Variants in MYO1E observed in about 807,000 individuals in gnomAD.
MYO1E encodes unconventional myosin-Ie.
In MYO1E, 68 loss-of-function variants were observed where a neutral mutation model predicts 151.1. That is an observed-to-expected ratio of 0.45 (90% confidence interval 0.37 to 0.55). The LOEUF (loss-of-function observed/expected upper bound fraction) is 0.55. Ranked by LOEUF, MYO1E falls within the 20% of genes least tolerant of loss-of-function variation. MYO1E has a pLI of 0.00. For synonymous variants in MYO1E, 601 were observed against 501.7 expected, an observed-to-expected ratio of 1.20 and a Z score of -2.64; for missense variants, 1,363 against 1,389.3, an observed-to-expected ratio of 0.98 and a Z score of 0.30.
intron 1 of MYO1E, among the ~76,000 whole-genome samples, chr15:59,371,840 G>A (rs989656122): frequency 6.6e-6 from 1 of 150,688 alleles, no homozygotes; most frequent in African/African-American, 2.4e-5. Flanking sequence ...CGTGGTTGCC[G>A]CCCGCGCCCG....
chr15:59,203,467 C>T (rs556816778), intron 15 of MYO1E, among the ~76,000 whole-genome samples: 3 of 151,448 alleles, frequency 2.0e-5, no homozygotes, highest in Non-Finnish European at 4.4e-5. Context: ...GCAACCTCTG[C>T]CTCCCAGGTT....
chr15:59,197,652 T>G (rs972174149), intron 16 of MYO1E, among the ~76,000 whole-genome samples: 7 of 152,258 alleles, frequency 4.6e-5, no homozygotes, highest in African/African-American at 1.7e-4. Context: ...CCCACGCCCA[T>G]GGGCTACCAA....
At chr15:59,310,864 C>G (rs568400818) in intron 1 of MYO1E, among the ~76,000 whole-genome samples, 1 of 152,092 alleles carries the variant, frequency 6.6e-6, no homozygotes, top group South Asian at 2.1e-4. Flanking sequence ...AATTATGGTT[C>G]TAAAGAACAA....
chr15:59,140,316 CTATT>C (rs1373878515), intron 26 of MYO1E, among the ~76,000 whole-genome samples: 4 of 152,300 alleles, frequency 2.6e-5, no homozygotes, highest in African/African-American at 9.6e-5. Context: ...CAACTTGTTC[CTATT>C]TAGTGAGATC....
intron 1 of MYO1E, among the ~76,000 whole-genome samples, chr15:59,368,459 A>G (rs985932543): frequency 1.3e-5 from 2 of 149,634 alleles, no homozygotes; most frequent in Non-Finnish European, 3.0e-5. Flanking sequence ...AAAATACAAA[A>G]TATTAGCTGG....
chr15:59,190,202 G>A (rs375781760), intron 17 of MYO1E, among the ~76,000 whole-genome samples: 4 of 152,172 alleles, frequency 2.6e-5, no homozygotes, highest in Non-Finnish European at 4.4e-5. Context: ...TGGTATTTGA[G>A]GCAAATTAGA....
intron 17 of MYO1E, among the ~76,000 whole-genome samples, chr15:59,190,406 T>C (rs1387981880): frequency 2.6e-5 from 4 of 152,200 alleles, no homozygotes; most frequent in African/African-American, 9.7e-5. Context: ...CTCATTCCGA[T>C]GTCACGCAGG....
chr15:59,156,308 C>T (rs1357995532), intron 25 of MYO1E, among the ~76,000 whole-genome samples: 1 of 152,178 alleles, frequency 6.6e-6, no homozygotes, highest in Non-Finnish European at 1.5e-5. Context: ...CCTCATCCTC[C>T]CCAGTAGCTG....
At chr15:59,278,367 G>T (rs750298467) in intron 1 of MYO1E, among the ~76,000 whole-genome samples, 23 of 152,196 alleles carry the variant, frequency 1.5e-4, no homozygotes, top group Non-Finnish European at 2.6e-4. Flanking sequence ...AGCTTGTTTT[G>T]TAATGGGATT....
At chr15:59,179,909 G>A (rs1468861314) in intron 18 of MYO1E, among the ~76,000 whole-genome samples, 2 of 152,270 alleles carry the variant, frequency 1.3e-5, no homozygotes, top group African/African-American at 4.8e-5. Context: ...CCACGTGAGA[G>A]CACATCCAGG....
intron 1 of MYO1E, among the ~76,000 whole-genome samples, chr15:59,367,473 T>G (rs561437312): frequency 7.9e-5 from 12 of 152,160 alleles, no homozygotes; most frequent in African/African-American, 2.4e-4. Flanking sequence ...AAAGCTCAAT[T>G]TGCAGCCTCA....
At chr15:59,205,517 T>C (rs376457775) in intron 14 of MYO1E, 32 bp from the exon 15 acceptor site, 35 of 1,564,102 alleles carry the variant, frequency 2.2e-5, no homozygotes, top group Non-Finnish European at 3.0e-5. Flanking sequence ...TCGAATTTCA[T>C]TGAACAAAAT....
chr15:59,352,756 T>C (rs968914862), intron 1 of MYO1E, among the ~76,000 whole-genome samples: 1 of 152,220 alleles, frequency 6.6e-6, no homozygotes, highest in East Asian at 1.9e-4. Context: ...TGTTAAACTG[T>C]TAAATTCACG....
intron 1 of MYO1E, among the ~76,000 whole-genome samples, chr15:59,295,174 A>T (rs1468239030): frequency 6.6e-6 from 1 of 152,062 alleles, no homozygotes; most frequent in Non-Finnish European, 1.5e-5. Flanking sequence ...CTAAAAGTTG[A>T]GTCATCCTAG....
chr15:59,161,868 T>C (rs2079539854), intron 23 of MYO1E, among the ~76,000 whole-genome samples: 1 of 152,208 alleles, frequency 6.6e-6, no homozygotes, highest in Admixed American at 6.5e-5. Context: ...TTTTAAGTTA[T>C]ATTTTCTGAT....
At chr15:59,265,792 TAAAAA>T (rs59957325) in intron 2 of MYO1E, among the ~76,000 whole-genome samples, 3 of 106,308 alleles carry the variant, frequency 2.8e-5, no homozygotes, top group Non-Finnish European at 3.8e-5. Context: ...CCCATCTCCT[TAAAAA>T]AAAAAAAAAA....
intron 1 of MYO1E, among the ~76,000 whole-genome samples, chr15:59,277,566 A>AAAAAC (rs2080328460): frequency 2.2e-5 from 1 of 46,208 alleles, no homozygotes; most frequent in African/African-American, 4.1e-5. Flanking sequence ...AAAAAAAAAA[A>AAAAAC]AAAAAAACAT....
chr15:59,153,469 G>A (rs1241166165), intron 26 of MYO1E, 121 bp downstream of exon 26: 7 of 1,102,146 alleles, frequency 6.4e-6, no homozygotes, highest in Non-Finnish European at 9.5e-6. Context: ...ATATAGCACT[G>A]AGGTGGAAAA....
At chr15:59,244,961 A>G (rs1596382596) in intron 4 of MYO1E, among the ~76,000 whole-genome samples, 1 of 152,354 alleles carries the variant, frequency 6.6e-6, no homozygotes, top group Middle Eastern at 3.4e-3. Flanking sequence ...ATTTGCAGAA[A>G]GCTTGGGGAA....
Sources: allele counts gnomAD v4.1 joint callset (sites outside exome capture counted in the v4.1 genomes callset), GRCh38; gene constraint gnomAD v4.1.1; transcripts MANE v1.5; gene names NCBI Gene and HGNC (gene_info 2026-07-23, HGNC 2026-07-21).